The following BBOF1 variants were observed in gnomAD, a reference collection of about 807,000 sequenced individuals.
BBOF1 encodes basal body-orientation factor 1.
A neutral mutation model predicts 68.0 loss-of-function variants in BBOF1; 62 were observed. The ratio of observed to expected loss-of-function variants is 0.91; its 90% CI spans 0.74 to 1.13. The LOEUF is 1.13. Among genes scored for constraint, BBOF1 ranks in the 50% most tolerant of loss-of-function variants. BBOF1 has a pLI of 0.00. For missense variants in BBOF1, 534 were observed against 600.1 expected, an observed-to-expected ratio of 0.89 and a Z score of 1.15; for synonymous variants, 208 against 198.8, an observed-to-expected ratio of 1.05 and a Z score of -0.39.
chr14:74,076,685 C>T (rs1157322355), intron 9 of BBOF1, among the ~76,000 whole-genome samples: 4 of 151,972 alleles, frequency 2.6e-5, no homozygotes, highest in East Asian at 1.9e-4. Context: ...TACAGACACC[C>T]GCCACCATGC....
intron 11 of BBOF1, chr14:74,060,737 A>G (rs1230825905): frequency 6.2e-7 from 1 of 1,611,100 alleles, no homozygotes; most frequent in Non-Finnish European, 8.5e-7. Context: ...TGAGTGTAGA[A>G]TTGGATGCCC....
chr14:74,070,898 C>G (rs2060540200), downstream of BBOF1: 1 of 370,990 alleles, frequency 2.7e-6, no homozygotes, highest in Non-Finnish European at 5.0e-6. Flanking sequence ...AATTAAATAC[C>G]CTCATGTATT....
At chr14:74,051,244 C>T (rs1348952958) in intron 8 of BBOF1, among the ~76,000 whole-genome samples, 1 of 150,694 alleles carries the variant, frequency 6.6e-6, no homozygotes, top group Non-Finnish European at 1.5e-5. Flanking sequence ...AACACTGTCT[C>T]AAAAAAACAA....
chr14:74,070,344 C>G (rs1200648171), downstream of BBOF1, among the ~76,000 whole-genome samples: 1 of 151,948 alleles, frequency 6.6e-6, no homozygotes, highest in Non-Finnish European at 1.5e-5. Flanking sequence ...CATGGTGAAA[C>G]CCCATCTGTA....
intron 6 of BBOF1, 42 bp from the exon 7 acceptor site, chr14:74,047,888 T>C: frequency 6.5e-7 from 1 of 1,541,836 alleles, no homozygotes; most frequent in Non-Finnish European, 8.7e-7. Flanking sequence ...TGGCGATATC[T>C]AAAAGTTAGA....
At chr14:74,068,840 A>G (rs752590100), downstream of BBOF1, 1 of 1,613,538 alleles carries the variant, frequency 6.2e-7, no homozygotes, top group South Asian at 1.1e-5. Context: ...AGATTGGAGA[A>G]AAAAGGAATA....
intron 2 of BBOF1, among the ~76,000 whole-genome samples, chr14:74,025,342 C>G (rs2059399430): frequency 6.6e-6 from 1 of 152,020 alleles, no homozygotes; most frequent in African/African-American, 2.4e-5. Context: ...TGCCATTAAA[C>G]CAAAAGAAAC....
chr14:74,080,463 G>A (rs2060659394), intron 10 of BBOF1, among the ~76,000 whole-genome samples: 1 of 151,120 alleles, frequency 6.6e-6, no homozygotes, highest in South Asian at 2.1e-4. Context: ...AATCTCCAGG[G>A]CTTAGGTGAT....
intron 9 of BBOF1, among the ~76,000 whole-genome samples, chr14:74,073,347 C>T (rs1289730675): frequency 1.3e-5 from 2 of 152,004 alleles, no homozygotes; most frequent in Non-Finnish European, 2.9e-5. Flanking sequence ...TCAAGTGATC[C>T]ACCTGCGTCA....
At chr14:74,055,263 C>A in intron 8 of BBOF1, 1 of 244,802 alleles carries the variant, frequency 4.1e-6, no homozygotes, top group Non-Finnish European at 8.1e-6. Flanking sequence ...ATTCTCCTGC[C>A]TCAGCCTCCC....
intron 11 of BBOF1, 25 bp downstream of exon 11, chr14:74,057,283 C>T (rs376309108): frequency 1.9e-6 from 3 of 1,613,928 alleles, no homozygotes; most frequent in African/African-American, 1.3e-5. Context: ...TCTAATCAAA[C>T]AATGTATATT....
At chr14:74,049,656 C>T in intron 7 of BBOF1, 46 bp from the exon 8 acceptor site, 4 of 1,473,924 alleles carry the variant, frequency 2.7e-6, no homozygotes, top group Non-Finnish European at 3.6e-6. Flanking sequence ...AGCAAGATTC[C>T]ATCTCAAAAG....
rs747331688 is a variant in BBOF1, at chr14:74,050,122, A to C, written c.1213A>C (p.Lys405Gln). Residue 405 changes from lysine to glutamine, a missense_variant, in exon 8 of 12, where the codon AAA (lysine) becomes CAA (glutamine). Coordinates refer to ENST00000394009, the MANE Select transcript of BBOF1 (RefSeq NM_025057.3). Reference sequence around the variant, plus strand: ...ATGTACAGGAAGAACAGAATATCCCAAAATCAGAACATTTGATGGCAGAGA... The same window carrying C: ...ATGTACAGGAAGAACAGAATATCCCCAAATCAGAACATTTGATGGCAGAGA... ...AACTGRTEYP[K>Q]IRTFDGREHS... 9.3e-6 allele frequency: 15 copies of C among 1,609,410 alleles called. No individual in the cohort carries two copies. The highest frequency in any genetic ancestry group is 1.7e-4 in the Middle Eastern group (1 of 6,030).
chr14:74,023,103 T>C lies in BBOF1; in HGVS notation c.244T>C (p.Leu82=). The C allele has an allele frequency of 6.3e-7, 1 of 1,595,276 alleles. No individual in the cohort carries two copies. The highest frequency in any genetic ancestry group is 8.5e-7 in the Non-Finnish European group (1 of 1,170,298). The change falls in exon 2 of 12, where the codon TTA becomes CTA. Residue 82 remains leucine (L), a synonymous_variant. Transcript: ENST00000394009. ...CKMEKDIMSV[L]SYLKKQDQEK... is the part of the protein sequence containing the mutation. ...AATGGAGAAAGACATAATGTCAGTA[T>C]TAAGTTACCTGAAGAAGCAGGATCA...
At chr14:74,081,260 A>T (rs2060665097) in exon 12 of BBOF1, 2 of 152,192 alleles carry the variant, frequency 1.3e-5, no homozygotes, top group South Asian at 4.1e-4. Flanking sequence ...CCCCTAGCAC[A>T]ATTCCTGGAA....
At chr14:74,031,217 G>C (rs972032749) in intron 3 of BBOF1, among the ~76,000 whole-genome samples, 1 of 151,696 alleles carries the variant, frequency 6.6e-6, no homozygotes, top group Non-Finnish European at 1.5e-5. Context: ...GGGTTCAAGG[G>C]ATCCTCCCAC....
chr14:74,071,477 T>A, intron 9 of BBOF1: 1 of 1,614,072 alleles, frequency 6.2e-7, no homozygotes, highest in Non-Finnish European at 8.5e-7. Flanking sequence ...GATGTCACAC[T>A]ACAGGCATGC....
At chr14:74,066,844 T>A (rs780772496), downstream of BBOF1, 1 of 1,613,970 alleles carries the variant, frequency 6.2e-7, no homozygotes, top group Admixed American at 1.7e-5. Flanking sequence ...CTCTTTGGCC[T>A]GGGGAGTGAT....
intron 4 of BBOF1, among the ~76,000 whole-genome samples, chr14:74,039,912 A>G (rs779020763): frequency 3.3e-5 from 5 of 152,190 alleles, no homozygotes; most frequent in Non-Finnish European, 5.9e-5. Context: ...ACAATGGGAT[A>G]GTAGGATAGT....
Sources: gnomAD v4.1 joint callset for allele counts (sites outside exome capture counted in the v4.1 genomes callset) on GRCh38, gnomAD v4.1.1 for gene constraint, MANE v1.5 for transcripts, NCBI Gene and HGNC (gene_info 2026-07-23, HGNC 2026-07-21) for gene names.